The following TTLL9 variants were observed in gnomAD, a reference collection of about 807,000 sequenced individuals.
The protein encoded by TTLL9 is probable tubulin polyglutamylase TTLL9.
TTLL9 carries 47 observed loss-of-function variants against 65.6 expected under a neutral mutation model. That is an observed-to-expected ratio of 0.72 (90% CI 0.57 to 0.91). TTLL9 has a LOEUF of 0.91. TTLL9 is among the 40% of genes least tolerant of loss of function. The probability of loss-of-function intolerance (pLI) is 0.00; values close to 1 mark genes in which losing one functional copy is unlikely to be tolerated. For missense variants in TTLL9, 537 were observed against 568.8 expected (o/e 0.94, Z 0.57); for synonymous variants, 179 against 204.8 (o/e 0.87, Z 1.07).
intron 11 of TTLL9, 135 bp downstream of exon 11, chr20:31,933,993 C>T (rs1007202595): frequency 4.6e-6 from 4 of 870,642 alleles, no homozygotes; most frequent in Admixed American, 2.8e-5. Context: ...CCTACCCATC[C>T]CACTTGCAGG....
intron 2 of TTLL9, among the ~76,000 whole-genome samples, chr20:31,878,216 A>T (rs948502030): frequency 3.9e-5 from 6 of 152,214 alleles, no homozygotes; most frequent in African/African-American, 1.2e-4. Flanking sequence ...AAAACAAAAA[A>T]CCCTTTTATT....
At chr20:31,925,193 G>A in intron 9 of TTLL9, 144 bp downstream of exon 9, 1 of 821,156 alleles carries the variant, frequency 1.2e-6, no homozygotes, top group Non-Finnish European at 1.9e-6. Context: ...GGACATCTAG[G>A]GATAGGGTGG....
intron 2 of TTLL9, among the ~76,000 whole-genome samples, chr20:31,884,398 G>A (rs1378563657): frequency 6.6e-6 from 1 of 152,010 alleles, no homozygotes; most frequent in Non-Finnish European, 1.5e-5. Flanking sequence ...GCTAATTTTT[G>A]TAATTTTTAG....
chr20:31,930,285 C>A (rs2063986514), intron 10 of TTLL9, among the ~76,000 whole-genome samples: 1 of 152,112 alleles, frequency 6.6e-6, no homozygotes, highest in African/African-American at 2.4e-5. Flanking sequence ...TTATATGATT[C>A]TTGCAAATAT....
chr20:31,912,089 A>G (rs1028145474), intron 6 of TTLL9, among the ~76,000 whole-genome samples: 1 of 152,154 alleles, frequency 6.6e-6, no homozygotes, highest in Non-Finnish European at 1.5e-5. Flanking sequence ...GGGTTGTGAG[A>G]GAATACAGTG....
At chr20:31,934,566 GGC>G (rs1345272573) in intron 11 of TTLL9, 124 bp from the exon 12 acceptor site, 2 of 862,978 alleles carry the variant, frequency 2.3e-6, no homozygotes, top group African/African-American at 3.4e-5. Context: ...CTAATTACAG[GGC>G]TCAGGGCTGG....
chr20:31,939,347 A>G, intron 14 of TTLL9, 81 bp downstream of exon 14: 2 of 1,533,714 alleles, frequency 1.3e-6, no homozygotes, highest in South Asian at 2.4e-5. Flanking sequence ...AGCTTGGGAT[A>G]GTGGTTAGAT....
At chr20:31,892,033 C>G (rs2063314703) in intron 3 of TTLL9, among the ~76,000 whole-genome samples, 2 of 150,676 alleles carry the variant, frequency 1.3e-5, no homozygotes, top group South Asian at 4.2e-4. Flanking sequence ...GAACTCCTGA[C>G]CTCAGGTGAT....
chr20:31,880,747 A>G (rs1461561869), intron 2 of TTLL9, among the ~76,000 whole-genome samples: 2 of 152,000 alleles, frequency 1.3e-5, no homozygotes, highest in Non-Finnish European at 2.9e-5. Context: ...TCGGCCTCCC[A>G]AAGTGCTAGG....
chr20:31,935,992 G>T (rs969538356), intron 12 of TTLL9, among the ~76,000 whole-genome samples: 5 of 152,168 alleles, frequency 3.3e-5, no homozygotes, highest in African/African-American at 1.2e-4. Context: ...ACCTCTCTGA[G>T]CCTGTTTCCT....
chr20:31,883,730 A>T (rs1056995977), intron 2 of TTLL9, among the ~76,000 whole-genome samples: 13 of 147,132 alleles, frequency 8.8e-5, no homozygotes, highest in Middle Eastern at 3.2e-3. Flanking sequence ...TAAATAAGTT[A>T]AAAAAAAAAG....
chr20:31,892,532 G>A (rs1218488872), intron 3 of TTLL9, among the ~76,000 whole-genome samples: 14 of 152,118 alleles, frequency 9.2e-5, no homozygotes, highest in Admixed American at 2.0e-4. Flanking sequence ...AGTAGTAGTC[G>A]TTTTACATTT....
intron 2 of TTLL9, among the ~76,000 whole-genome samples, chr20:31,878,574 A>G (rs2063068051): frequency 6.6e-6 from 1 of 152,216 alleles, no homozygotes; most frequent in Admixed American, 6.5e-5. Flanking sequence ...GTCCAGTAAT[A>G]ATCAGAAATG....
chr20:31,913,318 A>G (rs753799366), intron 6 of TTLL9, among the ~76,000 whole-genome samples: 4 of 152,200 alleles, frequency 2.6e-5, no homozygotes, highest in Non-Finnish European at 4.4e-5. Context: ...TCTGAGTACC[A>G]CAGTTTCTGA....
At chr20:31,883,153 T>C (rs1408355554) in intron 2 of TTLL9, among the ~76,000 whole-genome samples, 1 of 151,650 alleles carries the variant, frequency 6.6e-6, no homozygotes, top group Non-Finnish European at 1.5e-5. Flanking sequence ...GCTAGGAAGC[T>C]AGTCAGCTTC....
At chr20:31,884,152 G>A in intron 2 of TTLL9, 3 of 434,818 alleles carry the variant, frequency 6.9e-6, no homozygotes, top group Non-Finnish European at 1.3e-5. Context: ...AGTTTCCAAT[G>A]TCTGCTTTAA....
chr20:31,884,087 G>A, intron 2 of TTLL9: 1 of 541,272 alleles, frequency 1.8e-6, no homozygotes, highest in Admixed American at 3.2e-5. Context: ...CATTCAGCAA[G>A]GGCATCAAAT....
intron 2 of TTLL9, among the ~76,000 whole-genome samples, chr20:31,879,293 C>T (rs2063076670): frequency 6.6e-6 from 1 of 152,196 alleles, no homozygotes; most frequent in South Asian, 2.1e-4. Context: ...TGCACTCCAA[C>T]CTGGGCGACA....
chr20:31,937,621 C>G, intron 13 of TTLL9, 112 bp downstream of exon 13: 1 of 766,072 alleles, frequency 1.3e-6, no homozygotes, highest in South Asian at 1.8e-5. Flanking sequence ...AGCGATGGCT[C>G]TGGCCTGCCC....
Sources: gnomAD v4.1 joint callset for allele counts (sites outside exome capture counted in the v4.1 genomes callset) on GRCh38, gnomAD v4.1.1 for gene constraint, MANE v1.5 for transcripts, NCBI Gene and HGNC (gene_info 2026-07-23, HGNC 2026-07-21) for gene names.